KIAA0825: variants seen among roughly 807,000 people sequenced by gnomAD.
KIAA0825 encodes uncharacterized protein KIAA0825.
A neutral mutation model predicts 147.6 loss-of-function variants in KIAA0825; 119 were observed. The ratio of observed to expected loss-of-function variants is 0.81; its 90% CI spans 0.69 to 0.94. The LOEUF is 0.94. Ranked by LOEUF, KIAA0825 falls within the 40% of genes least tolerant of loss-of-function variation. The pLI, the probability that KIAA0825 is intolerant of heterozygous loss-of-function variation, is 0.00. For missense variants in KIAA0825, 1,381 were observed against 1,472.7 expected (o/e 0.94, Z 1.02); for synonymous variants, 470 against 518.1 (o/e 0.91, Z 1.26).
At chr5:94,221,674 G>T (rs772295436) in intron 20 of KIAA0825, among the ~76,000 whole-genome samples, 8 of 152,132 alleles carry the variant, frequency 5.3e-5, no homozygotes, top group African/African-American at 9.7e-5. Flanking sequence ...GATTTCCTCT[G>T]CTGCCTGAGC....
At chr5:94,553,233 T>G (rs1775873218) in intron 2 of KIAA0825, among the ~76,000 whole-genome samples, 1 of 149,450 alleles carries the variant, frequency 6.7e-6, no homozygotes, top group South Asian at 2.1e-4. Flanking sequence ...GAGGTCAGGA[T>G]TTCAAGACCA....
intron 18 of KIAA0825, 112 bp from the exon 19 acceptor site, chr5:94,386,516 G>A: frequency 1.2e-6 from 1 of 816,982 alleles, no homozygotes; most frequent in South Asian, 1.8e-5. Flanking sequence ...AGATTACAGT[G>A]TATTACTTGC....
chr5:94,155,711 C>A (rs1484819534), intron 20 of KIAA0825, among the ~76,000 whole-genome samples: 1 of 152,158 alleles, frequency 6.6e-6, no homozygotes, highest in African/African-American at 2.4e-5. Context: ...CATTTCCTAG[C>A]CTCAAACTTG....
chr5:94,465,968 G>C (rs1371435859), intron 10 of KIAA0825, among the ~76,000 whole-genome samples: 3 of 152,122 alleles, frequency 2.0e-5, no homozygotes, highest in Non-Finnish European at 4.4e-5. Context: ...ATGATTATTT[G>C]AAATAGGAAG....
intron 20 of KIAA0825, among the ~76,000 whole-genome samples, chr5:94,217,939 GTAT>G (rs566310749): frequency 2.0e-3 from 303 of 152,262 alleles, no homozygotes; most frequent in Admixed American, 3.2e-3. Context: ...TTGCCCAATA[GTAT>G]TACAATCATA....
At chr5:94,466,987 CTTA>C in intron 10 of KIAA0825, among the ~76,000 whole-genome samples, 1 of 152,142 alleles carries the variant, frequency 6.6e-6, no homozygotes, top group South Asian at 2.1e-4. Flanking sequence ...TGGGTCAGTT[CTTA>C]TTATAACGTG....
At chr5:94,347,445 C>G (rs1323938286) in intron 20 of KIAA0825, among the ~76,000 whole-genome samples, 1 of 152,218 alleles carries the variant, frequency 6.6e-6, no homozygotes, top group African/African-American at 2.4e-5. Flanking sequence ...GTATCCACAG[C>G]TGAGAGACCC....
At chr5:94,349,591 A>G (rs1783405477) in intron 20 of KIAA0825, among the ~76,000 whole-genome samples, 2 of 152,220 alleles carry the variant, frequency 1.3e-5, no homozygotes, top group South Asian at 4.1e-4. Context: ...ACTCTCTTAG[A>G]CCACAGTGGA....
chr5:94,461,132 G>C (rs942139347), intron 12 of KIAA0825, among the ~76,000 whole-genome samples: 1 of 151,906 alleles, frequency 6.6e-6, no homozygotes, highest in Non-Finnish European at 1.5e-5. Context: ...TAACAATAAT[G>C]AATGTATGTT....
intron 20 of KIAA0825, among the ~76,000 whole-genome samples, chr5:94,300,712 T>C (rs771686743): frequency 3.9e-5 from 6 of 152,094 alleles, no homozygotes; most frequent in Non-Finnish European, 8.8e-5. Flanking sequence ...TTATTACTTA[T>C]GTATTTCAAA....
chr5:94,547,111 A>G (rs1561296531), intron 2 of KIAA0825, among the ~76,000 whole-genome samples: 1 of 151,932 alleles, frequency 6.6e-6, no homozygotes, highest in Non-Finnish European at 1.5e-5. Flanking sequence ...GAATTGACCA[A>G]GCAGAAGAAA....
At chr5:94,463,820 T>C (rs935389895) in intron 11 of KIAA0825, among the ~76,000 whole-genome samples, 13 of 151,988 alleles carry the variant, frequency 8.6e-5, no homozygotes, top group African/African-American at 3.1e-4. Context: ...TATCTCATAA[T>C]GACTTGCCAT....
intron 20 of KIAA0825, among the ~76,000 whole-genome samples, chr5:94,300,003 C>T (rs1470712499): frequency 6.6e-6 from 1 of 151,882 alleles, no homozygotes; most frequent in African/African-American, 2.4e-5. Context: ...AAATTTCCCT[C>T]ATGACGTCTT....
chr5:94,403,178 G>T (rs192201461), intron 16 of KIAA0825, among the ~76,000 whole-genome samples: 189 of 152,200 alleles, frequency 1.2e-3, no homozygotes, highest in African/African-American at 4.4e-3. Context: ...ATTAGTGTTT[G>T]CAGGGAAAAA....
chr5:94,507,276 C>G (rs923046840), intron 5 of KIAA0825, among the ~76,000 whole-genome samples: 6 of 152,068 alleles, frequency 3.9e-5, no homozygotes, highest in Non-Finnish European at 5.9e-5. Context: ...AGTGAAATCC[C>G]ATCACTGCTA....
intron 2 of KIAA0825, among the ~76,000 whole-genome samples, chr5:94,550,825 G>A (rs577638757): frequency 5.9e-4 from 87 of 147,386 alleles, no homozygotes; most frequent in Non-Finnish European, 1.2e-3. Flanking sequence ...CTGGGCGACA[G>A]AGCGAGACTC....
chr5:94,383,538 G>T (rs903432608), intron 20 of KIAA0825, among the ~76,000 whole-genome samples: 2 of 152,030 alleles, frequency 1.3e-5, no homozygotes, highest in Non-Finnish European at 2.9e-5. Flanking sequence ...CTCAAACTTA[G>T]CTATAAGCAC....
intron 14 of KIAA0825, among the ~76,000 whole-genome samples, chr5:94,429,916 G>A (rs887033468): frequency 5.9e-5 from 9 of 152,176 alleles, no homozygotes; most frequent in East Asian, 1.9e-4. Flanking sequence ...CTGCCTGGGC[G>A]TGAAGTAGAA....
intron 20 of KIAA0825, among the ~76,000 whole-genome samples, chr5:94,297,035 C>T (rs561000768): frequency 9.9e-5 from 15 of 152,152 alleles, no homozygotes; most frequent in African/African-American, 1.9e-4. Context: ...ATAATATATA[C>T]GCAAGCTTCA....
Sources: gnomAD v4.1 joint callset for allele counts (sites outside exome capture counted in the v4.1 genomes callset) on GRCh38, gnomAD v4.1.1 for gene constraint, MANE v1.5 for transcripts, NCBI Gene and HGNC (gene_info 2026-07-23, HGNC 2026-07-21) for gene names.